Variants in PLXNB3 observed in about 807,000 individuals in gnomAD.
The protein encoded by PLXNB3 is plexin-B3.
A neutral mutation model predicts 125.7 loss-of-function variants in PLXNB3; 80 were observed. The observed-to-expected ratio is 0.64, with a 90% CI of 0.53 to 0.77. The LOEUF (loss-of-function observed/expected upper bound fraction) is 0.77. Ranked by LOEUF, PLXNB3 falls within the 30% of genes least tolerant of loss-of-function variation. The probability of loss-of-function intolerance (pLI) is 0.00; values close to 1 mark genes in which losing one functional copy is unlikely to be tolerated. For missense variants in PLXNB3, 1,836 were observed against 1,729.3 expected (o/e 1.06, Z -1.09); for synonymous variants, 954 against 783.3 (o/e 1.22, Z -3.64).
chrX:153,769,096 T>C lies in PLXNB3; in HGVS notation c.1395+20T>C, dbSNP rs374644687. 8.3e-6 allele frequency: 10 copies of C among 1,205,067 alleles called. No individual in the cohort carries two copies. Among genetic ancestry groups the C allele is most frequent in the East Asian group, 3.0e-5 (1 of 33,635 alleles). ...CACCAGGTGAGGGCCATCCTGGGGC[T>C]GAAGGGGCCAGCACACGCGGCCCAA... On this transcript the variant is annotated intron_variant, in intron 5 of 35. Coordinates refer to ENST00000361971, the MANE Select transcript of PLXNB3 (RefSeq NM_005393.3).
chrX:153,769,964 C>T, intron 7 of PLXNB3, 25 bp downstream of exon 7: 6 of 1,198,449 alleles, frequency 5.0e-6, no homozygotes, highest in Non-Finnish European at 6.8e-6. Flanking sequence ...ACCACTGGGC[C>T]CTCTGGGCAG....
chrX:153,774,664 C>CT, intron 22 of PLXNB3, 42 bp from the exon 23 acceptor site: 1 of 1,148,848 alleles, frequency 8.7e-7, no homozygotes, highest in Non-Finnish European at 1.2e-6. Flanking sequence ...CTGGCTGATG[C>CT]TGGCCCCGGC....
chrX:153,768,834 C>A, intron 4 of PLXNB3, 114 bp from the exon 5 acceptor site: 1 of 894,112 alleles, frequency 1.1e-6, no homozygotes, highest in Non-Finnish European at 1.6e-6. Flanking sequence ...CTCGATGGCC[C>A]GGCAGGAAGG....
intron 2 of PLXNB3, chrX:153,766,460 C>G: frequency 5.6e-6 from 6 of 1,072,375 alleles, no homozygotes; most frequent in Non-Finnish European, 7.2e-6. Flanking sequence ...TTCCAGCTCC[C>G]GCGGCCTCCC....
At position 153,778,345 on chromosome X, in the gene PLXNB3, G is replaced by C; in HGVS notation, c.5474+20G>C. 8.3e-7 allele frequency: 1 copy of C among 1,208,818 alleles called. No homozygotes were observed. Among genetic ancestry groups the C allele is most frequent in the Non-Finnish European group, 1.1e-6 (1 of 893,429 alleles). ...GGAGAGGTGGGTGTCAGAGGCATCG[G>C]GGCTGCGGGGAAGGGGGCTGCCCCA... On this transcript the variant is annotated intron_variant, in intron 33 of 35. Transcript: ENST00000361971.
intron 1 of PLXNB3, among the ~76,000 whole-genome samples, chrX:153,764,864 A>C (rs1162786803): frequency 1.8e-5 from 2 of 112,983 alleles, no homozygotes; most frequent in Non-Finnish European, 3.8e-5. Context: ...CCTCTGCCTC[A>C]GCCCATCTCA....
At position 153,770,517 on chromosome X, in the gene PLXNB3, T is replaced by C. The variant is rs917948854; in HGVS notation, c.1896-11T>C. On this transcript the variant is annotated splice_polypyrimidine_tract_variant and intron_variant, in intron 9 of 35. Transcript: ENST00000361971. ...AGGGCACTCAGTTGAGCAGCCACCC[T>C]GCCCCTCTAGGTGTCGCGCTTGCGT... 3 of 1,209,214 alleles carry C rather than the reference T, an allele frequency of 2.5e-6. No homozygotes were observed. The East Asian group carries it at 8.9e-5, about 36-fold the overall frequency.
In PLXNB3 at chrX:153,773,625, A is replaced by C. The variant is rs1278546341; in HGVS notation, c.3191A>C (p.Gln1064Pro). 6 of 1,203,229 alleles carry C rather than the reference A, an allele frequency of 5.0e-6. No homozygotes were observed. Among genetic ancestry groups the C allele is most frequent in the Non-Finnish European group, 6.7e-6 (6 of 891,826 alleles). Residue 1064 changes from glutamine to proline, a missense_variant, in exon 19 of 36, where the codon CAG becomes CCG. Physicochemically the swap from Gln to Pro is moderately conservative, Grantham distance 76 (BLOSUM62 -1). Transcript: ENST00000361971. Reference sequence around the variant, plus strand: ...GCAGAGGTGCAGGCTTCCAGGGCCCAGCCCCAGGACCCACAGCCAAGGAGG... The same window carrying C: ...GCAGAGGTGCAGGCTTCCAGGGCCCCGCCCCAGGACCCACAGCCAAGGAGG... ...ADAEVQASRA[Q>P]PQDPQPRRSC...
rs1308607570 is a variant in PLXNB3, at chrX:153,777,296, G to A, written c.5016G>A (p.Val1672=). 8.3e-7 allele frequency: 1 copy of A among 1,204,704 alleles called. No homozygotes were observed. Among genetic ancestry groups the A allele is most frequent in the Non-Finnish European group, 1.1e-6 (1 of 891,783 alleles). ...CCGAGGAGCCAGAAGGGGCCAAGGT[G>A]CGGTGCAGCAGCCTGCGGGAGCGCG... ...KATEEPEGAK[V]RCSSLREREP... Residue 1672 remains valine (V), a synonymous_variant, in exon 30 of 36, where the codon GTG becomes GTA. Coordinates refer to ENST00000361971, the MANE Select transcript of PLXNB3 (RefSeq NM_005393.3).
Position 153,771,022 on chromosome X carries a change from C to A in PLXNB3, c.2194C>A (p.Pro732Thr). Residue 732 changes from proline (P) to threonine (T), a missense_variant, in exon 12 of 36, where the codon CCG becomes ACG. Physicochemically the swap from Pro to Thr is conservative, Grantham distance 38. Transcript: ENST00000361971. ...GCTGCCTGGAGAACTTCGGGGACTG[C>A]CGGCCACCCTGGAGGAGACAGCAGG... is the stretch of plus-strand genomic sequence containing the variant. ...LELPGELRGL[P>T]ATLEETAGDS... 2.5e-6 allele frequency: 3 copies of A among 1,210,526 alleles called. No homozygotes were observed. The African/African-American group carries it at 5.2e-5, about 21-fold the overall frequency.
At position 153,777,599 on chromosome X, in the gene PLXNB3, C is replaced by T. The variant is rs782110750; in HGVS notation, c.5172C>T (p.Ala1724=). Residue 1724 remains alanine, a synonymous_variant, in exon 31 of 36, where the codon GCC becomes GCT. Coordinates refer to ENST00000361971, the MANE Select transcript of PLXNB3 (RefSeq NM_005393.3). The part of the protein sequence containing the change: ...ILSVNRPIPI[A]VKYLFDLLDE... ...GCGTGAACCGGCCCATCCCCATCGC[C>T]GTCAAGTACCTGTTTGACCTTCTGG... 4.3e-5 allele frequency: 52 copies of T among 1,210,476 alleles called. No homozygotes were observed. The highest frequency in any genetic ancestry group is 2.5e-4 in the South Asian group (14 of 56,919).
rs1557061686 is a variant in PLXNB3, at chrX:153,771,095, T to C, written c.2253+14T>C. 1 of 1,167,992 alleles carries C rather than the reference T, an allele frequency of 8.6e-7. No individual in the cohort carries two copies. The highest frequency in any genetic ancestry group is 2.2e-5 in the Admixed American group (1 of 45,917). Reference sequence around the variant, plus strand: ...CAGGCCCACCAGGTGAGTGGCTGCCTTCCAAACCCTCTTGCCCCCAAGCTT... The same window carrying C: ...CAGGCCCACCAGGTGAGTGGCTGCCCTCCAAACCCTCTTGCCCCCAAGCTT... On this transcript the variant is annotated intron_variant, in intron 12 of 35. Coordinates refer to ENST00000361971, the MANE Select transcript of PLXNB3 (RefSeq NM_005393.3).
At chrX:153,777,165 G>A (rs782256148) in intron 29 of PLXNB3, 43 bp from the exon 30 acceptor site, 11 of 1,112,919 alleles carry the variant, frequency 9.9e-6, no homozygotes, top group East Asian at 3.3e-5. Context: ...CCCAGGCCAG[G>A]GGCAGGGGGT....
rs1324582806 is a variant in PLXNB3, at chrX:153,776,738, G to T, written c.4834-149G>T. The stretch of plus-strand genomic sequence containing the variant: ...GGGGGGCGGGGCGGGGCGAGGCAAG[G>T]CAGGGAAGGGCAGGGATGGGGTGGG... On this transcript the variant is annotated intron_variant, in intron 28 of 35. Transcript: ENST00000361971. 4.0e-5 allele frequency: 12 copies of T among 298,181 alleles called. No homozygotes were observed. In the Admixed American group the frequency reaches 6.0e-4, roughly 15 times the overall value. 24.6% of individuals were successfully genotyped at this position (298,181 alleles called of 1,213,427 possible). A position where few individuals can be genotyped will look rare whatever the true frequency, so the allele number is the denominator to read the frequency against.
In PLXNB3 at chrX:153,774,038, C is replaced by T. The variant is rs782418697; in HGVS notation, c.3459C>T (p.Leu1153=). ...AGCCCAACCCCCGCCTGGCACCCCT[C>T]AGCCGCGAGGGGCCTGCCCGCCCCT... ...LYQPNPRLAP[L]SREGPARPYR... The change falls in exon 20 of 36, where the codon CTC becomes CTT. Residue 1153 remains leucine (L), a synonymous_variant. Coordinates refer to ENST00000361971, the MANE Select transcript of PLXNB3 (RefSeq NM_005393.3). 8.4e-7 allele frequency: 1 copy of T among 1,193,704 alleles called. No individual in the cohort carries two copies. The highest frequency in any genetic ancestry group is 3.0e-5 in the East Asian group (1 of 33,560).
chrX:153,772,933 G>A lies in PLXNB3; in HGVS notation c.2823G>A (p.Gly941=), dbSNP rs782330668. 4.2e-6 allele frequency: 5 copies of A among 1,183,985 alleles called. No individual in the cohort carries two copies. The highest frequency in any genetic ancestry group is 2.4e-5 in the Admixed American group (1 of 41,127). The part of the protein sequence containing the change: ...SLSPRWGPQA[G]GTQLTIRGQH... The stretch of plus-strand genomic sequence containing the variant: ...GTCCTCGCTGGGGCCCCCAGGCAGG[G>A]GGCACCCAGCTCACCATCCGAGGTC... The change falls in exon 17 of 36, where the codon GGG becomes GGA. Residue 941 remains glycine, a synonymous_variant. Transcript: ENST00000361971.
At chrX:153,774,153 G>A in intron 20 of PLXNB3, 33 bp from the exon 21 acceptor site, 2 of 1,202,107 alleles carry the variant, frequency 1.7e-6, no homozygotes, top group Non-Finnish European at 2.2e-6. Context: ...CCTCTGTGGG[G>A]GCCAGCGGCT....
At chrX:153,772,082 G>A in intron 15 of PLXNB3, 67 bp downstream of exon 15, 1 of 1,099,469 alleles carries the variant, frequency 9.1e-7, no homozygotes. Context: ...AGATAAGGAA[G>A]GCCTGTGGCC....
At chrX:153,777,818 C>A in intron 31 of PLXNB3, 130 bp downstream of exon 31, 1 of 1,046,659 alleles carries the variant, frequency 9.6e-7, no homozygotes, top group Non-Finnish European at 1.3e-6. Context: ...GGGCCCAGGT[C>A]ACCTAGGCCA....
Sources: gnomAD v4.1 joint callset for allele counts (sites outside exome capture counted in the v4.1 genomes callset) on GRCh38, gnomAD v4.1.1 for gene constraint, MANE v1.5 for transcripts, NCBI Gene and HGNC (gene_info 2026-07-23, HGNC 2026-07-21) for gene names.